Variants in YPEL1 observed in about 807,000 individuals in gnomAD.
YPEL1 encodes yippee like 1.
YPEL1 carries 7 observed loss-of-function variants against 17.3 expected under a neutral mutation model. The observed-to-expected ratio is 0.40, with a 90% CI of 0.23 to 0.76. The LOEUF is 0.76. Ranked by LOEUF, YPEL1 falls within the 30% of genes least tolerant of loss-of-function variation. The pLI is 0.35. For missense variants in YPEL1, 91 were observed against 155.5 expected, an observed-to-expected ratio of 0.59 and a Z score of 2.21; for synonymous variants, 59 against 59.6, an observed-to-expected ratio of 0.99 and a Z score of 0.05.
In YPEL1 at chr22:21,704,056, C is replaced by T. The variant is rs1026261307; in HGVS notation, c.118-174G>A. The T allele has an allele frequency of 1.1e-4, 83 of 754,094 alleles. 4 individuals are homozygous for T. Among genetic ancestry groups the T allele is most frequent in the South Asian group, 8.5e-4 (58 of 68,228 alleles). The allele number at this position is 754,094 out of a possible 1,614,324, so 46.7% of individuals were successfully genotyped here. ...TCCACTTCTAATAACAGCCACTTAA[C>T]GGAGCTGCAAGCTGTTTTTCATTGT... On this transcript the variant is annotated intron_variant, in intron 2 of 4. Transcript: ENST00000339468.
At chr22:21,711,011 G>C (rs2148601682) in intron 1 of YPEL1, 103 bp from the exon 2 acceptor site, 1 of 398,124 alleles carries the variant, frequency 2.5e-6, no homozygotes, top group East Asian at 4.4e-5. Flanking sequence ...GGGGTGGGGG[G>C]GTGGCAGGAC....
Position 21,703,881 on chromosome 22 carries a change from G to C in YPEL1, c.119C>G (p.Ser40Cys), listed in dbSNP as rs774530586. 1 of 1,600,218 alleles carries C rather than the reference G, an allele frequency of 6.2e-7. No individual in the cohort carries two copies. The highest frequency in any genetic ancestry group is 8.5e-7 in the Non-Finnish European group (1 of 1,173,544). Residue 40 changes from serine to cysteine, a missense_variant and splice_region_variant, in exon 3 of 5, where the codon TCC becomes TGC. Ser to Cys is a moderately radical substitution (Grantham distance 112, BLOSUM62 -1). Coordinates refer to ENST00000339468, the MANE Select transcript of YPEL1 (RefSeq NM_013313.5). This position sits in a 1 kb window ranked among gnomAD's most constrained non-coding sequence, Gnocchi z 6.1. ...LANHDELISK[S>C]FQGSQGRAYL... ...GGCGCGTCCCTGGCTCCCCTGAAAG[G>C]ACTGAAAGAAGAAGGTCCCGTGAGA...
intron 1 of YPEL1, among the ~76,000 whole-genome samples, chr22:21,714,987 G>C (rs778091492): frequency 6.6e-6 from 1 of 152,124 alleles, no homozygotes; most frequent in Admixed American, 6.5e-5. Context: ...CATATCGGTC[G>C]TGGAATGATA....
At chr22:21,733,696 T>A (rs563854269) in intron 1 of YPEL1, among the ~76,000 whole-genome samples, 1 of 152,304 alleles carries the variant, frequency 6.6e-6, no homozygotes, top group Non-Finnish European at 1.5e-5. Flanking sequence ...TACTCCAGCC[T>A]GGGTGACAGA....
At chr22:21,712,367 T>TAAAAAAAA (rs34536579) in intron 1 of YPEL1, among the ~76,000 whole-genome samples, 12 of 130,572 alleles carry the variant, frequency 9.2e-5, no homozygotes, top group Non-Finnish European at 1.4e-4. Context: ...TTGGAATATG[T>TAAAAAAAA]AAAAAAAAAA....
chr22:21,725,602 G>C (rs148634155), intron 1 of YPEL1, among the ~76,000 whole-genome samples: 205 of 152,244 alleles, frequency 1.3e-3, no homozygotes, highest in African/African-American at 4.5e-3. Flanking sequence ...TCACTGACTA[G>C]TGTCCTGGCC....
chr22:21,720,177 C>CAAAAAAAA, intron 1 of YPEL1, among the ~76,000 whole-genome samples: 1 of 81,488 alleles, frequency 1.2e-5, no homozygotes, highest in Non-Finnish European at 2.3e-5. Flanking sequence ...GACTCTGTAT[C>CAAAAAAAA]AAAAAAAAAA....
intron 1 of YPEL1, among the ~76,000 whole-genome samples, chr22:21,732,864 G>A (rs983364552): frequency 3.3e-5 from 5 of 152,150 alleles, no homozygotes; most frequent in African/African-American, 1.2e-4. Flanking sequence ...ACATCGGGAG[G>A]CTGAGACTGG....
At chr22:21,726,814 A>G (rs1190404436) in intron 1 of YPEL1, among the ~76,000 whole-genome samples, 3 of 152,220 alleles carry the variant, frequency 2.0e-5, no homozygotes, top group Admixed American at 1.3e-4. Flanking sequence ...AGATGCAGCG[A>G]CAAGCTCAGA....
Sources: allele counts gnomAD v4.1 joint callset (sites outside exome capture counted in the v4.1 genomes callset), GRCh38; gene constraint gnomAD v4.1.1; non-coding constraint Gnocchi (gnomAD v3.1); transcripts MANE v1.5; gene names NCBI Gene and HGNC (gene_info 2026-07-23, HGNC 2026-07-21).